The following CSMD1 variants were observed in gnomAD, a reference collection of about 807,000 sequenced individuals.
CSMD1 encodes the protein CUB and Sushi multiple domains 1, also known as CUB and sushi domain-containing protein 1.
Under a neutral mutation model 417.5 loss-of-function variants are expected in CSMD1, and 213 were observed. The observed-to-expected ratio is 0.51, with a 90% CI of 0.46 to 0.57. The LOEUF (loss-of-function observed/expected upper bound fraction) is 0.57. CSMD1 is among the 20% of genes least tolerant of loss of function. The pLI, the probability that CSMD1 is intolerant of heterozygous loss-of-function variation, is 0.00. For synonymous variants in CSMD1, 2,862 were observed against 1,736.8 expected, an observed-to-expected ratio of 1.65 and a Z score of -16.11; for missense variants, 6,923 against 4,529.7, an observed-to-expected ratio of 1.53 and a Z score of -15.17.
At chr8:4,602,415 C>T (rs535947059) in intron 2 of CSMD1, among the ~76,000 whole-genome samples, 35 of 152,214 alleles carry the variant, frequency 2.3e-4, no homozygotes, top group Admixed American at 7.2e-4. Flanking sequence ...ATACGGAACA[C>T]AGGAACATGT....
At chr8:3,909,836 C>A (rs915471814) in intron 5 of CSMD1, among the ~76,000 whole-genome samples, 2 of 152,088 alleles carry the variant, frequency 1.3e-5, no homozygotes, top group Non-Finnish European at 2.9e-5. Context: ...AATAGAAGCA[C>A]CACGTATGTC....
At chr8:4,422,241 C>G (rs6995790) in intron 2 of CSMD1, among the ~76,000 whole-genome samples, 4,539 of 152,150 alleles carry the variant, frequency 0.03, 235 homozygotes, top group African/African-American at 0.1. Flanking sequence ...TCTACACAGT[C>G]TCTTCCAGAA....
chr8:3,383,413 A>C (rs1396370185), intron 18 of CSMD1, among the ~76,000 whole-genome samples: 2 of 152,016 alleles, frequency 1.3e-5, no homozygotes, highest in Non-Finnish European at 2.9e-5. Context: ...CTTCTTCCAC[A>C]CTAGAAAAAC....
intron 5 of CSMD1, among the ~76,000 whole-genome samples, chr8:3,766,132 C>T (rs1470496981): frequency 6.6e-6 from 1 of 152,128 alleles, no homozygotes; most frequent in Non-Finnish European, 1.5e-5. Context: ...AGACAGTGGC[C>T]CTGATGGCAT....
At chr8:3,267,614 A>C (rs1222883185) in intron 26 of CSMD1, among the ~76,000 whole-genome samples, 1 of 152,178 alleles carries the variant, frequency 6.6e-6, no homozygotes, top group Non-Finnish European at 1.5e-5. Flanking sequence ...CGCTGCTGAT[A>C]GGAAAGAAAT....
At chr8:4,036,393 G>T (rs1331198787) in intron 3 of CSMD1, among the ~76,000 whole-genome samples, 1 of 152,158 alleles carries the variant, frequency 6.6e-6, no homozygotes, top group African/African-American at 2.4e-5. Context: ...TTCCAGCAGT[G>T]TAGAAATGTA....
intron 2 of CSMD1, among the ~76,000 whole-genome samples, chr8:4,597,599 G>GA (rs1339130646): frequency 6.6e-6 from 1 of 152,000 alleles, no homozygotes; most frequent in Non-Finnish European, 1.5e-5. Context: ...ACACAGAAAT[G>GA]AAAATGGAAT....
chr8:3,623,085 T>TGGTGTG (rs1796334288), intron 7 of CSMD1, among the ~76,000 whole-genome samples: 1 of 152,186 alleles, frequency 6.6e-6, no homozygotes, highest in Admixed American at 6.5e-5. Context: ...TTACACACCA[T>TGGTGTG]TAATATTAAA....
intron 6 of CSMD1, among the ~76,000 whole-genome samples, chr8:3,723,684 G>C (rs1267092292): frequency 3.3e-5 from 5 of 152,152 alleles, no homozygotes; most frequent in Admixed American, 6.5e-5. Flanking sequence ...TTTTTGGTAA[G>C]AGCAGGGTGA....
At chr8:3,678,478 G>C (rs1165528694) in intron 7 of CSMD1, among the ~76,000 whole-genome samples, 2 of 152,120 alleles carry the variant, frequency 1.3e-5, no homozygotes, top group Admixed American at 6.6e-5. Context: ...AAGAAGAGAA[G>C]TTTAGAGAAA....
At chr8:3,340,606 C>G (rs754059569) in intron 23 of CSMD1, among the ~76,000 whole-genome samples, 1 of 152,178 alleles carries the variant, frequency 6.6e-6, no homozygotes, top group African/African-American at 2.4e-5. Flanking sequence ...TTTTATCTAA[C>G]CGGTCATCAT....
At chr8:3,191,565 G>A (rs1286299804) in intron 33 of CSMD1, among the ~76,000 whole-genome samples, 1 of 152,174 alleles carries the variant, frequency 6.6e-6, no homozygotes, top group Non-Finnish European at 1.5e-5. Context: ...CAAAAACCCA[G>A]GGATATGGAA....
At chr8:4,792,777 T>C (rs762137041) in intron 1 of CSMD1, among the ~76,000 whole-genome samples, 8 of 152,130 alleles carry the variant, frequency 5.3e-5, no homozygotes, top group Non-Finnish European at 1.2e-4. Flanking sequence ...TGTCACTCAG[T>C]ACCATGCGTT....
chr8:4,834,302 A>G (rs987580930), intron 1 of CSMD1, among the ~76,000 whole-genome samples: 2 of 152,212 alleles, frequency 1.3e-5, no homozygotes, highest in African/African-American at 4.8e-5. Flanking sequence ...TACACGTTAC[A>G]TACTGGGAAC....
chr8:4,222,482 T>G (rs1472510750), intron 3 of CSMD1, among the ~76,000 whole-genome samples: 1 of 152,138 alleles, frequency 6.6e-6, no homozygotes, highest in Non-Finnish European at 1.5e-5. Context: ...TCTCAGTAAG[T>G]CAGTCAATAA....
chr8:4,184,826 AC>A (rs1304749168), intron 3 of CSMD1, among the ~76,000 whole-genome samples: 4 of 151,984 alleles, frequency 2.6e-5, no homozygotes, highest in Non-Finnish European at 5.9e-5. Context: ...ATGCACATGT[AC>A]CCCTGAATTT....
chr8:4,923,346 C>T (rs1351468572), intron 1 of CSMD1, among the ~76,000 whole-genome samples: 2 of 152,048 alleles, frequency 1.3e-5, no homozygotes, highest in African/African-American at 4.8e-5. Flanking sequence ...CAGTTAACTT[C>T]TTAAAGGGTT....
chr8:4,772,813 C>T (rs1408988554), intron 1 of CSMD1, among the ~76,000 whole-genome samples: 1 of 152,134 alleles, frequency 6.6e-6, no homozygotes, highest in African/African-American at 2.4e-5. Flanking sequence ...ATTTCGGATA[C>T]TAACATTTCC....
chr8:3,222,963 A>G lies in CSMD1; in HGVS notation c.4484+766T>C, dbSNP rs889248272. On this transcript the variant is annotated intron_variant, in intron 28 of 69. Transcript: ENST00000635120. ...GGAAAGTCGTTCCATTGACAGATTA[A>G]AAAATGTAATCCCAGATACTTGTCC... is the stretch of plus-strand genomic sequence containing the variant. 2.0e-5 allele frequency among the ~76,000 whole-genome samples: 3 copies of G among 152,346 alleles called. No individual in the cohort carries two copies. In the East Asian group the frequency reaches 5.8e-4, roughly 29 times the overall value.
Sources: gnomAD v4.1 joint callset for allele counts (sites outside exome capture counted in the v4.1 genomes callset) on GRCh38, gnomAD v4.1.1 for gene constraint, MANE v1.5 for transcripts, NCBI Gene and HGNC (gene_info 2026-07-23, HGNC 2026-07-21) for gene names.